CATSPERB: variants seen among roughly 807,000 people sequenced by gnomAD.
CATSPERB encodes the protein cation channel sperm-associated auxiliary subunit beta.
In CATSPERB, 93 loss-of-function variants were observed where a neutral mutation model predicts 128.3. The ratio of observed to expected loss-of-function variants is 0.72; its 90% CI spans 0.61 to 0.86. CATSPERB has a LOEUF of 0.86. Ranked by LOEUF, CATSPERB falls within the 40% of genes least tolerant of loss-of-function variation. CATSPERB has a pLI of 0.00. For synonymous variants in CATSPERB, 381 were observed against 448.8 expected, an observed-to-expected ratio of 0.85 and a Z score of 1.91; for missense variants, 1,153 against 1,329.5, an observed-to-expected ratio of 0.87 and a Z score of 2.06.
At chr14:91,647,140 C>A (rs891495662) in intron 15 of CATSPERB, among the ~76,000 whole-genome samples, 13 of 152,182 alleles carry the variant, frequency 8.5e-5, no homozygotes, top group Admixed American at 5.2e-4. Flanking sequence ...CTCACAGGGG[C>A]CTTCCAATGG....
intron 25 of CATSPERB, among the ~76,000 whole-genome samples, 200 bp from the exon 26 acceptor site, chr14:91,587,476 A>ATTTTTTTTTTTT (rs1893324019): frequency 1.3e-5 from 1 of 74,800 alleles, no homozygotes; most frequent in African/African-American, 5.8e-5. Flanking sequence ...AATAGCTGAT[A>ATTTTTTTTTTTT]CTTTTTTTTT....
chr14:91,647,977 A>G (rs1894634375), intron 15 of CATSPERB, among the ~76,000 whole-genome samples: 1 of 152,226 alleles, frequency 6.6e-6, no homozygotes, highest in Non-Finnish European at 1.5e-5. Flanking sequence ...AGTCCCTTGG[A>G]TACTGTGTTC....
intron 15 of CATSPERB, among the ~76,000 whole-genome samples, chr14:91,650,518 T>C (rs1894685663): frequency 6.6e-6 from 1 of 152,224 alleles, no homozygotes; most frequent in African/African-American, 2.4e-5. Context: ...ACAGGCATTG[T>C]TGCAGCAGAA....
At chr14:91,604,977 G>C (rs564804372) in intron 22 of CATSPERB, 1 of 1,177,018 alleles carries the variant, frequency 8.5e-7, no homozygotes, top group East Asian at 2.3e-5. Context: ...TTCTGTCCCT[G>C]AAATCTATCA....
chr14:91,654,955 T>C (rs1369515149), intron 15 of CATSPERB, among the ~76,000 whole-genome samples: 1 of 151,452 alleles, frequency 6.6e-6, no homozygotes, highest in Non-Finnish European at 1.5e-5. Context: ...AGAACAAAAG[T>C]CTCTTCCTGG....
chr14:91,678,770 A>C (rs1895232795), intron 11 of CATSPERB, among the ~76,000 whole-genome samples: 1 of 152,204 alleles, frequency 6.6e-6, no homozygotes, highest in South Asian at 2.1e-4. Context: ...TTATAAGGCT[A>C]TAAACCCAGC....
In CATSPERB at chr14:91,639,134, G is replaced by T; in HGVS notation, c.1549C>A (p.Pro517Thr). ...TTTCTAGAATTTCCAAAGGCTGTGGGTGGTCCACTAGCTTCAAAGCGACCC... is the reference window on the plus strand; with the variant it reads ...TTTCTAGAATTTCCAAAGGCTGTGGTTGGTCCACTAGCTTCAAAGCGACCC... ...TLGRFEASGPPTAFGNSRNLF... is the reference protein window; with the variant it reads ...TLGRFEASGPTTAFGNSRNLF... The change falls in exon 16 of 27, where the codon CCC (proline) becomes ACC (threonine). Residue 517 changes from proline (P) to threonine (T), a missense_variant. Physicochemically the swap from Pro to Thr is conservative, Grantham distance 38 (BLOSUM62 -1). Coordinates refer to ENST00000256343, the MANE Select transcript of CATSPERB (RefSeq NM_024764.4). The T allele has an allele frequency of 6.2e-7, 1 of 1,614,072 alleles. No individual in the cohort carries two copies. Among genetic ancestry groups the T allele is most frequent in the East Asian group, 2.2e-5 (1 of 44,862 alleles).
At chr14:91,670,235 T>C (rs1337083815) in intron 13 of CATSPERB, among the ~76,000 whole-genome samples, 1 of 152,202 alleles carries the variant, frequency 6.6e-6, no homozygotes, top group South Asian at 2.1e-4. Context: ...AGGTTTATTA[T>C]AGAATCACTG....
chr14:91,694,761 T>C (rs1266734129), intron 7 of CATSPERB, among the ~76,000 whole-genome samples: 1 of 152,196 alleles, frequency 6.6e-6, no homozygotes, highest in Non-Finnish European at 1.5e-5. Flanking sequence ...ACATCACAAA[T>C]CCTAAAGTAC....
At chr14:91,661,231 T>C (rs1894875741) in intron 14 of CATSPERB, among the ~76,000 whole-genome samples, 1 of 152,166 alleles carries the variant, frequency 6.6e-6, no homozygotes, top group African/African-American at 2.4e-5. Flanking sequence ...TGTACCTGTT[T>C]TTCTATAAGT....
Position 91,587,288 on chromosome 14 carries a change from A to C in CATSPERB, c.3058-12T>G. On this transcript the variant is annotated splice_polypyrimidine_tract_variant and intron_variant, in intron 25 of 26. Transcript: ENST00000256343. ...AAAAGTTCAGAGCCCTGTGGAAAAA[A>C]GCACACCCAGTTGTTAGCAGCATCA... is the stretch of plus-strand genomic sequence containing the variant. 1 of 1,596,578 alleles carries C rather than the reference A, an allele frequency of 6.3e-7. No individual in the cohort carries two copies. Among genetic ancestry groups the C allele is most frequent in the Non-Finnish European group, 8.5e-7 (1 of 1,172,108 alleles).
chr14:91,715,424 C>A (rs548989467), intron 5 of CATSPERB, among the ~76,000 whole-genome samples: 2 of 151,756 alleles, frequency 1.3e-5, no homozygotes, highest in Middle Eastern at 6.8e-3. Context: ...ATTAGCCAGG[C>A]GCCTGTAATC....
At chr14:91,605,381 G>A in intron 22 of CATSPERB, 1 of 574,064 alleles carries the variant, frequency 1.7e-6, no homozygotes, top group East Asian at 2.7e-5. Context: ...GGTTAAGGTG[G>A]CTTTAAGACT....
At chr14:91,601,852 C>T (rs1893612470) in intron 22 of CATSPERB, among the ~76,000 whole-genome samples, 1 of 151,842 alleles carries the variant, frequency 6.6e-6, no homozygotes, top group African/African-American at 2.4e-5. Flanking sequence ...TCAAAATGAC[C>T]TGAGTTCATT....
intron 22 of CATSPERB, 97 bp downstream of exon 22, chr14:91,608,197 A>AC (rs2139774910): frequency 2.8e-6 from 2 of 725,258 alleles, no homozygotes; most frequent in Non-Finnish European, 4.7e-6. Flanking sequence ...TAACAGCTTC[A>AC]CCTTCTCATT....
intron 7 of CATSPERB, 41 bp from the exon 8 acceptor site, chr14:91,693,520 A>G: frequency 6.7e-7 from 1 of 1,495,138 alleles, no homozygotes; most frequent in South Asian, 1.1e-5. Context: ...AGGCAACTTT[A>G]CAAGGTGAGT....
At chr14:91,620,636 G>A (rs950283845) in intron 19 of CATSPERB, among the ~76,000 whole-genome samples, 8 of 152,060 alleles carry the variant, frequency 5.3e-5, no homozygotes, top group Admixed American at 2.0e-4. Flanking sequence ...GGAAAAATGG[G>A]GGAAAGTATA....
In CATSPERB at chr14:91,659,888, A is replaced by C. The variant is rs777609714; in HGVS notation, c.1381T>G (p.Ser461Ala). ...IKKTFHSFYT[S>A]AITFVSQRGK... Reference sequence around the variant, plus strand: ...CGTTGAGAAACAAAAGTAATAGCTGATGTATAAAAACTATGAAAAGTCTTC... The same window carrying C: ...CGTTGAGAAACAAAAGTAATAGCTGCTGTATAAAAACTATGAAAAGTCTTC... Residue 461 changes from serine (S) to alanine (A), a missense_variant, in exon 15 of 27, where the codon TCA becomes GCA. Ser to Ala is a moderately conservative substitution (Grantham distance 99). Coordinates refer to ENST00000256343, the MANE Select transcript of CATSPERB (RefSeq NM_024764.4). 30 of 1,603,294 alleles carry C rather than the reference A, an allele frequency of 1.9e-5. 1 individual carries two copies. The highest frequency in any genetic ancestry group is 3.5e-5 in the Admixed American group (2 of 57,148).
chr14:91,695,616 A>G (rs1209934398), intron 7 of CATSPERB, among the ~76,000 whole-genome samples: 2 of 152,232 alleles, frequency 1.3e-5, no homozygotes, highest in Non-Finnish European at 2.9e-5. Flanking sequence ...GGGCTTACAG[A>G]AGCTGATGCA....
Sources: gnomAD v4.1 joint callset for allele counts (sites outside exome capture counted in the v4.1 genomes callset) on GRCh38, gnomAD v4.1.1 for gene constraint, MANE v1.5 for transcripts, NCBI Gene and HGNC (gene_info 2026-07-23, HGNC 2026-07-21) for gene names.